Variants in PIK3C2A observed in about 807,000 individuals in gnomAD.
PIK3C2A encodes the protein phosphatidylinositol 4-phosphate 3-kinase C2 domain-containing subunit alpha.
A neutral mutation model predicts 204.5 loss-of-function variants in PIK3C2A; 97 were observed. The ratio of observed to expected loss-of-function variants is 0.47; its 90% CI spans 0.40 to 0.56. The LOEUF is 0.56. Among genes scored for constraint, PIK3C2A ranks in the 20% least tolerant of loss-of-function variants. PIK3C2A has a pLI of 0.00. For synonymous variants in PIK3C2A, 653 were observed against 664.4 expected (o/e 0.98, Z 0.26); for missense variants, 1,735 against 1,969.2 (o/e 0.88, Z 2.25).
At chr11:17,128,040 G>A (rs898354749) in intron 13 of PIK3C2A, among the ~76,000 whole-genome samples, 4 of 152,074 alleles carry the variant, frequency 2.6e-5, no homozygotes, top group South Asian at 2.1e-4. Context: ...CCCCCACTCC[G>A]TAAAAAGGGA....
rs140652633 is a variant in PIK3C2A, at chr11:17,189,706, T to C, written c.-66+18142A>G. Among the ~76,000 whole-genome samples the C allele has an allele frequency of 4.9e-4, 74 of 149,970 alleles. No homozygotes were observed. In the East Asian group the frequency reaches 0.013, roughly 26 times the overall value. Reference sequence around the variant, plus strand: ...CAGTCACATTTCCCCTCCCTAATATTAGTGATTTTAAAAGAAGACAGTTTT... The same window carrying C: ...CAGTCACATTTCCCCTCCCTAATATCAGTGATTTTAAAAGAAGACAGTTTT... On this transcript the variant is annotated intron_variant, in intron 1 of 32. Coordinates refer to ENST00000691414, the MANE Select transcript of PIK3C2A (RefSeq NM_002645.4).
chr11:17,175,831 G>C (rs1162431557), intron 1 of PIK3C2A, among the ~76,000 whole-genome samples: 11 of 152,078 alleles, frequency 7.2e-5, no homozygotes, highest in Non-Finnish European at 8.8e-5. Flanking sequence ...CCAGAAAACA[G>C]AAAAAAGCAA....
chr11:17,144,894 CA>C (rs35069519), intron 8 of PIK3C2A, among the ~76,000 whole-genome samples: 137 of 78,104 alleles, frequency 1.8e-3, no homozygotes, highest in South Asian at 0.01. Flanking sequence ...GACTCAGCCT[CA>C]AAAAAAAAAA....
At chr11:17,162,328 G>A (rs1296413601) in intron 2 of PIK3C2A, among the ~76,000 whole-genome samples, 2 of 147,528 alleles carry the variant, frequency 1.4e-5, no homozygotes, top group African/African-American at 5.0e-5. Flanking sequence ...GCGACAGAGT[G>A]AGACTCCATC....
chr11:17,099,647 G>T (rs976545507), intron 26 of PIK3C2A, among the ~76,000 whole-genome samples: 2 of 151,966 alleles, frequency 1.3e-5, no homozygotes, highest in African/African-American at 2.4e-5. Context: ...GAGATATTTT[G>T]AGGCAAATAA....
chr11:17,143,027 T>A (rs1194731050), intron 8 of PIK3C2A, among the ~76,000 whole-genome samples: 1 of 151,706 alleles, frequency 6.6e-6, no homozygotes, highest in African/African-American at 2.4e-5. Context: ...TCATCCTGCC[T>A]ATGGCTGCAA....
At position 17,175,107 on chromosome 11, in the gene PIK3C2A, A is replaced by G. The variant is rs556544554; in HGVS notation, c.-65-5301T>C. Among the ~76,000 whole-genome samples the G allele has an allele frequency of 2.2e-4, 33 of 152,338 alleles. No individual in the cohort carries two copies. The East Asian group carries it at 6.4e-3, about 29-fold the overall frequency. On this transcript the variant is annotated intron_variant, in intron 1 of 32. Transcript: ENST00000691414. ...AATTAGTTTACAATAATTTATTCAC[A>G]GGAGAATACACTTGTTCTAAGTATT...
intron 1 of PIK3C2A, among the ~76,000 whole-genome samples, chr11:17,181,603 A>AATATATAT (rs148434889): frequency 2.0e-5 from 2 of 101,598 alleles, no homozygotes; most frequent in African/African-American, 9.5e-5. Flanking sequence ...CCCATTTTTA[A>AATATATAT]ATATATATAT....
chr11:17,113,847 C>T (rs1217626517), intron 20 of PIK3C2A, among the ~76,000 whole-genome samples: 6 of 148,024 alleles, frequency 4.1e-5, no homozygotes, highest in South Asian at 2.1e-4. Context: ...TTTGGGAGGC[C>T]GAGGTGGGCG....
At chr11:17,173,370 G>T (rs1466310104) in intron 1 of PIK3C2A, among the ~76,000 whole-genome samples, 1 of 152,210 alleles carries the variant, frequency 6.6e-6, no homozygotes, top group Non-Finnish European at 1.5e-5. Flanking sequence ...TATTTGGAAA[G>T]AAAGCTTTTC....
chr11:17,129,663 C>T (rs1361678579), intron 12 of PIK3C2A, among the ~76,000 whole-genome samples, 196 bp from the exon 13 acceptor site: 1 of 152,208 alleles, frequency 6.6e-6, no homozygotes, highest in Non-Finnish European at 1.5e-5. Flanking sequence ...ACGATCTTGG[C>T]TCACTGCAAC....
intron 27 of PIK3C2A, among the ~76,000 whole-genome samples, chr11:17,095,920 T>TATAAA (rs971915260): frequency 7.3e-5 from 11 of 151,138 alleles, no homozygotes; most frequent in Admixed American, 5.3e-4. Context: ...CTTTTATATT[T>TATAAA]ATAAAATAAA....
At chr11:17,191,429 G>A (rs1233437189) in intron 1 of PIK3C2A, among the ~76,000 whole-genome samples, 2 of 152,180 alleles carry the variant, frequency 1.3e-5, no homozygotes, top group African/African-American at 2.4e-5. Flanking sequence ...AAATCTGGAT[G>A]CTGAAGCACA....
At chr11:17,113,329 A>C (rs1849060298) in intron 20 of PIK3C2A, among the ~76,000 whole-genome samples, 1 of 152,112 alleles carries the variant, frequency 6.6e-6, no homozygotes, top group Non-Finnish European at 1.5e-5. Context: ...GAGCTTTGTA[A>C]ATGTCTTAAT....
chr11:17,177,781 C>G (rs651513), intron 1 of PIK3C2A, among the ~76,000 whole-genome samples: 88,125 of 151,882 alleles, frequency 0.58, 25,929 homozygotes, highest in East Asian at 0.83. Context: ...GATTCGGTTA[C>G]AGCGACGCTG....
chr11:17,151,229 G>A (rs1253593089), intron 3 of PIK3C2A, among the ~76,000 whole-genome samples: 2 of 152,216 alleles, frequency 1.3e-5, no homozygotes, highest in African/African-American at 4.8e-5. Flanking sequence ...TGCCTGTGAA[G>A]GTATTCATAG....
Position 17,155,537 on chromosome 11 carries a change from T to C in PIK3C2A, c.1158A>G (p.Arg386=). Residue 386 remains arginine, a synonymous_variant, in exon 3 of 33, where the codon CGA becomes CGG. Transcript: ENST00000691414. ...GAAAAATTCCTTACTTTGTAATGGA[T>C]CGACAAAAAGCTGCCATCTCCTCAT... ...VQNEEMAAFC[R]SITKLKTKFP... is the part of the protein sequence containing the mutation. 6.3e-7 allele frequency: 1 copy of C among 1,582,718 alleles called. No individual in the cohort carries two copies. Among genetic ancestry groups the C allele is most frequent in the Non-Finnish European group, 8.7e-7 (1 of 1,155,862 alleles).
At position 17,110,549 on chromosome 11, in the gene PIK3C2A, G is replaced by A; in HGVS notation, c.3427C>T (p.Leu1143Phe). The change falls in exon 22 of 33, where the codon CTT becomes TTT. Residue 1143 changes from leucine (L) to phenylalanine (F), a missense_variant. Leu to Phe is a conservative substitution (Grantham distance 22, BLOSUM62 0). Transcript: ENST00000691414. ...INVMFKVGED[L>F]RQDMLALQMI... ...TGTAAAGCTAACATATCTTGCCGAA[G>A]ATCTTCACCAACCTTGAAATCAAGG... The A allele has an allele frequency of 3.7e-6, 6 of 1,609,762 alleles. No individual in the cohort carries two copies. The highest frequency in any genetic ancestry group is 5.1e-6 in the Non-Finnish European group (6 of 1,178,240).
chr11:17,147,668 T>C (rs569278642), intron 5 of PIK3C2A, 40 bp from the exon 6 acceptor site: 7 of 1,100,956 alleles, frequency 6.4e-6, no homozygotes, highest in African/African-American at 1.6e-5. Flanking sequence ...CTATTCAAAT[T>C]AGAAATTATA....
Sources: allele counts gnomAD v4.1 joint callset (sites outside exome capture counted in the v4.1 genomes callset), GRCh38; gene constraint gnomAD v4.1.1; transcripts MANE v1.5; gene names NCBI Gene and HGNC (gene_info 2026-07-23, HGNC 2026-07-21).